The following ALK variants were observed in gnomAD, a reference collection of about 807,000 sequenced individuals.
ALK encodes the protein ALK tyrosine kinase receptor.
Under a neutral mutation model 163.1 loss-of-function variants are expected in ALK, and 74 were observed. That is an observed-to-expected ratio of 0.45 (90% CI 0.38 to 0.55). The LOEUF (loss-of-function observed/expected upper bound fraction) is 0.55. Ranked by LOEUF, ALK falls within the 20% of genes least tolerant of loss-of-function variation. The pLI is 0.00. For missense variants in ALK, 2,063 were observed against 2,105.3 expected (o/e 0.98, Z 0.39); for synonymous variants, 960 against 843.2 (o/e 1.14, Z -2.40).
chr2:29,413,527 A>G (rs1243805783), intron 4 of ALK, among the ~76,000 whole-genome samples: 1 of 149,304 alleles, frequency 6.7e-6, no homozygotes, highest in Non-Finnish European at 1.5e-5. Flanking sequence ...TTACTTATTT[A>G]TTGTTTATTT....
At chr2:29,233,763 A>C in intron 13 of ALK, 67 bp from the exon 14 acceptor site, 1 of 1,605,328 alleles carries the variant, frequency 6.2e-7, no homozygotes, top group South Asian at 1.1e-5. Flanking sequence ...AGCAGACAGA[A>C]CTTCTATGCT....
chr2:29,761,535 A>G (rs899141907), intron 1 of ALK, among the ~76,000 whole-genome samples: 1 of 152,332 alleles, frequency 6.6e-6, no homozygotes, highest in African/African-American at 2.4e-5. Context: ...CTTTAAAAGC[A>G]CAAAGGAAGA....
At chr2:29,893,604 A>G (rs796149929) in intron 1 of ALK, among the ~76,000 whole-genome samples, 22 of 152,260 alleles carry the variant, frequency 1.4e-4, no homozygotes, top group African/African-American at 4.6e-4. Flanking sequence ...TTGGCAACCA[A>G]ACACCAAGGT....
intron 3 of ALK, among the ~76,000 whole-genome samples, chr2:29,674,722 A>G (rs1257601284): frequency 6.0e-5 from 9 of 150,402 alleles, no homozygotes; most frequent in Admixed American, 2.0e-4. Flanking sequence ...CTCTTTTTCT[A>G]TTGATTGGAA....
chr2:29,456,824 C>T (rs1012242187), intron 4 of ALK, among the ~76,000 whole-genome samples: 2 of 152,068 alleles, frequency 1.3e-5, no homozygotes, highest in South Asian at 2.1e-4. Flanking sequence ...AATAATGCTC[C>T]ATCTCCTAAT....
intron 3 of ALK, among the ~76,000 whole-genome samples, chr2:29,661,993 C>G (rs1271925307): frequency 2.0e-5 from 3 of 152,074 alleles, no homozygotes; most frequent in African/African-American, 7.2e-5. Context: ...CACTGAAACC[C>G]CTACCTCCCA....
intron 2 of ALK, among the ~76,000 whole-genome samples, chr2:29,716,035 TGA>T (rs1210089934): frequency 6.6e-6 from 1 of 152,082 alleles, no homozygotes; most frequent in East Asian, 1.9e-4. Flanking sequence ...GCGTTATAGA[TGA>T]GAGACAGCAG....
intron 1 of ALK, among the ~76,000 whole-genome samples, chr2:29,824,001 G>A (rs557356700): frequency 2.0e-5 from 3 of 152,288 alleles, no homozygotes; most frequent in Admixed American, 6.5e-5. Context: ...TGTTTGGTGG[G>A]CTGGGCCCAG....
chr2:29,805,284 C>T (rs1664579123), intron 1 of ALK, among the ~76,000 whole-genome samples: 1 of 152,134 alleles, frequency 6.6e-6, no homozygotes, highest in South Asian at 2.1e-4. Context: ...CTCCTGGGAG[C>T]ACTATTTTAA....
At chr2:29,358,731 G>T (rs1217988557) in intron 5 of ALK, among the ~76,000 whole-genome samples, 1 of 152,064 alleles carries the variant, frequency 6.6e-6, no homozygotes, top group African/African-American at 2.4e-5. Context: ...CTCAGTGAGG[G>T]GCAGGCACTG....
At chr2:29,291,955 G>GA (rs1291625162) in intron 9 of ALK, among the ~76,000 whole-genome samples, 1 of 151,976 alleles carries the variant, frequency 6.6e-6, no homozygotes, top group Non-Finnish European at 1.5e-5. Flanking sequence ...AAATTGAATA[G>GA]AAAAAAAATC....
intron 8 of ALK, among the ~76,000 whole-genome samples, chr2:29,302,236 G>C (rs949052560): frequency 6.6e-6 from 1 of 152,160 alleles, no homozygotes; most frequent in Non-Finnish European, 1.5e-5. Flanking sequence ...ATTAACTTCC[G>C]GCCGGGTGCG....
chr2:29,341,038 A>G lies in ALK; in HGVS notation c.1283-12557T>C, dbSNP rs1667776613. Among the ~76,000 whole-genome samples the G allele has an allele frequency of 3.3e-5, 5 of 152,244 alleles. No homozygotes were observed. The South Asian group carries it at 1.0e-3, about 32-fold the overall frequency. The stretch of plus-strand genomic sequence containing the variant: ...CTAGAACAACACCTAGCACCTGGGA[A>G]TCACAATAAAAGTTTCTTGAAAGAA... On this transcript the variant is annotated intron_variant, in intron 5 of 28. Coordinates refer to ENST00000389048, the MANE Select transcript of ALK (RefSeq NM_004304.5).
chr2:29,889,581 A>G (rs979759557), intron 1 of ALK, among the ~76,000 whole-genome samples: 1 of 152,020 alleles, frequency 6.6e-6, no homozygotes, highest in African/African-American at 2.4e-5. Flanking sequence ...GCCGAGAGAA[A>G]GTGACAGCAG....
chr2:29,847,151 G>A (rs1345472642), intron 1 of ALK, among the ~76,000 whole-genome samples: 4 of 152,056 alleles, frequency 2.6e-5, no homozygotes, highest in Admixed American at 2.6e-4. Context: ...GTTCCCAGGG[G>A]CTCCTCCCTT....
chr2:29,310,531 T>A (rs1443919661), intron 8 of ALK, among the ~76,000 whole-genome samples: 1 of 152,218 alleles, frequency 6.6e-6, no homozygotes, highest in Non-Finnish European at 1.5e-5. Context: ...TACAGCCAAG[T>A]GATTTGTAAG....
At chr2:29,711,833 A>T (rs1679111044) in intron 2 of ALK, among the ~76,000 whole-genome samples, 1 of 152,068 alleles carries the variant, frequency 6.6e-6, no homozygotes, top group African/African-American at 2.4e-5. Context: ...CCTTCCCCTC[A>T]TCATCTGTTT....
chr2:29,498,819 A>C (rs1235913622), intron 4 of ALK, among the ~76,000 whole-genome samples: 1 of 152,188 alleles, frequency 6.6e-6, no homozygotes, highest in African/African-American at 2.4e-5. Flanking sequence ...TATTCATCGC[A>C]CTAGTGAGGA....
intron 1 of ALK, among the ~76,000 whole-genome samples, chr2:29,844,422 C>T (rs1181624682): frequency 6.6e-6 from 1 of 152,122 alleles, no homozygotes; most frequent in Non-Finnish European, 1.5e-5. Context: ...CAATGAACAA[C>T]AGGATTTAAA....
Sources: gnomAD v4.1 joint callset for allele counts (sites outside exome capture counted in the v4.1 genomes callset) on GRCh38, gnomAD v4.1.1 for gene constraint, MANE v1.5 for transcripts, NCBI Gene and HGNC (gene_info 2026-07-23, HGNC 2026-07-21) for gene names.